SYNPR: variants seen among roughly 807,000 people sequenced by gnomAD.
SYNPR encodes the protein synaptoporin.
Under a neutral mutation model 32.9 loss-of-function variants are expected in SYNPR, and 23 were observed. That is an observed-to-expected ratio of 0.70 (90% CI 0.50 to 0.99). The LOEUF (loss-of-function observed/expected upper bound fraction) is 0.99. SYNPR is among the 50% of genes least tolerant of loss of function. The pLI, the probability that SYNPR is intolerant of heterozygous loss-of-function variation, is 0.00. For missense variants in SYNPR, 318 were observed against 349.3 expected, an observed-to-expected ratio of 0.91 and a Z score of 0.71; for synonymous variants, 146 against 135.9, an observed-to-expected ratio of 1.07 and a Z score of -0.52.
chr3:63,332,828 A>T (rs2087244529), intron 2 of SYNPR, among the ~76,000 whole-genome samples: 1 of 152,164 alleles, frequency 6.6e-6, no homozygotes, highest in South Asian at 2.1e-4. Flanking sequence ...ATATTATCCA[A>T]GAGCATGGTT....
intron 2 of SYNPR, among the ~76,000 whole-genome samples, chr3:63,462,055 C>A (rs1045052038): frequency 6.6e-6 from 1 of 152,116 alleles, no homozygotes; most frequent in Non-Finnish European, 1.5e-5. Flanking sequence ...TATGCTTCCT[C>A]TTGGCCACTG....
At chr3:63,280,725 GGTGTGTGT>G (rs144039056) in intron 2 of SYNPR, among the ~76,000 whole-genome samples, 1 of 149,896 alleles carries the variant, frequency 6.7e-6, no homozygotes, top group African/African-American at 2.5e-5. Flanking sequence ...TTGGGGGAGG[GGTGTGTGT>G]GTGTGTGTGT....
chr3:63,403,375 AATAT>A (rs772153228), intron 2 of SYNPR, among the ~76,000 whole-genome samples: 1 of 150,568 alleles, frequency 6.6e-6, no homozygotes, highest in African/African-American at 2.4e-5. Flanking sequence ...CTTTTATATA[AATAT>A]ATATATATGT....
rs987222622 is a variant in SYNPR at position 63,321,020 on chromosome 3, A to T, written c.84+42278A>T. On this transcript the variant is annotated intron_variant, in intron 2 of 5. Transcript: ENST00000478300. ...AATATGTATTCCAGAAAAATCAAGG[A>T]CAACAAGGAGCATTCATTTGAATAA... 2.6e-5 allele frequency among the ~76,000 whole-genome samples: 4 copies of T among 152,082 alleles called. No homozygotes were observed. In the South Asian group the frequency reaches 8.3e-4, roughly 31 times the overall value.
chr3:63,474,920 GTCCTCC>G (rs1164899887), intron 2 of SYNPR, among the ~76,000 whole-genome samples: 1 of 152,104 alleles, frequency 6.6e-6, no homozygotes, highest in Non-Finnish European at 1.5e-5. Context: ...CTGATTTTCT[GTCCTCC>G]TCCAACCTAT....
chr3:63,203,380 T>C, the SYNPR span: 1 of 152,230 alleles, frequency 6.6e-6, no homozygotes, highest in African/African-American at 2.4e-5. Context: ...AGGTCTCCAG[T>C]GGCGTCATCT....
At chr3:63,542,452 T>G (rs1702322911) in intron 3 of SYNPR, among the ~76,000 whole-genome samples, 2 of 152,074 alleles carry the variant, frequency 1.3e-5, no homozygotes, top group South Asian at 4.1e-4. Context: ...TGACTTCCCT[T>G]TAGGAATGAG....
intron 2 of SYNPR, among the ~76,000 whole-genome samples, chr3:63,333,605 TG>T (rs1331603250): frequency 6.6e-6 from 1 of 152,058 alleles, no homozygotes; most frequent in Non-Finnish European, 1.5e-5. Context: ...TTTGTAGAGA[TG>T]GGAGTCTTCC....
chr3:63,546,408 A>G (rs1702402389), intron 3 of SYNPR, among the ~76,000 whole-genome samples: 1 of 152,030 alleles, frequency 6.6e-6, no homozygotes, highest in African/African-American at 2.4e-5. Flanking sequence ...AGATCCTGGC[A>G]TATATATTCT....
chr3:63,342,661 AT>A (rs1215648014), intron 2 of SYNPR, among the ~76,000 whole-genome samples: 3 of 152,132 alleles, frequency 2.0e-5, no homozygotes, highest in African/African-American at 7.2e-5. Context: ...CTCCTCTGCT[AT>A]TTTCTGGAAG....
chr3:63,239,507 A>G (rs2086223606), intron 1 of SYNPR, among the ~76,000 whole-genome samples: 1 of 149,906 alleles, frequency 6.7e-6, no homozygotes, highest in African/African-American at 2.5e-5. Context: ...AGAATGGGTA[A>G]CAATGGTAGG....
At chr3:63,305,000 G>A (rs1022606688) in intron 2 of SYNPR, among the ~76,000 whole-genome samples, 1 of 151,914 alleles carries the variant, frequency 6.6e-6, no homozygotes, top group Non-Finnish European at 1.5e-5. Context: ...GCTATATAAT[G>A]TGTGCAGTTT....
chr3:63,583,900 G>A (rs1703136227), intron 4 of SYNPR, among the ~76,000 whole-genome samples: 1 of 152,076 alleles, frequency 6.6e-6, no homozygotes, highest in Admixed American at 6.6e-5. Flanking sequence ...TTTGTCTCCT[G>A]GATTAAGGTG....
the SYNPR span, among the ~76,000 whole-genome samples, chr3:63,203,023 T>C: frequency 2.0e-5 from 3 of 146,598 alleles, no homozygotes; most frequent in African/African-American, 7.6e-5. Flanking sequence ...TCTTTGTTTT[T>C]TTCAATTTTT....
chr3:63,535,035 C>G (rs1217643761), intron 3 of SYNPR, among the ~76,000 whole-genome samples: 2 of 152,104 alleles, frequency 1.3e-5, no homozygotes, highest in African/African-American at 2.4e-5. Flanking sequence ...AGAGTAGTTA[C>G]TGTCAGTATT....
At chr3:63,242,033 G>A (rs1451799577) in intron 1 of SYNPR, among the ~76,000 whole-genome samples, 1 of 151,946 alleles carries the variant, frequency 6.6e-6, no homozygotes, top group East Asian at 1.9e-4. Context: ...GTAATTATAA[G>A]CATACTTTTT....
At chr3:63,323,870 T>C (rs1423618547) in intron 2 of SYNPR, among the ~76,000 whole-genome samples, 1 of 152,090 alleles carries the variant, frequency 6.6e-6, no homozygotes, top group Non-Finnish European at 1.5e-5. Flanking sequence ...CTCACAACAT[T>C]CCCATGAGGC....
chr3:63,480,933 C>T lies in SYNPR; in HGVS notation c.186C>T (p.Asp62=), dbSNP rs1489739130. Residue 62 remains aspartate, a synonymous_variant, in exon 3 of 6, where the codon GAC becomes GAT. Coordinates refer to ENST00000478300, the MANE Select transcript of SYNPR (RefSeq NM_001130003.2). ...AGACAGAAAGTAACCTCAGCATCGA[C>T]ATAGCGTTTGCCTACCCATTCAGGT... The part of the protein sequence containing the change: ...VNKTESNLSI[D]IAFAYPFRLH... 6.2e-7 allele frequency: 1 copy of T among 1,612,860 alleles called. No homozygotes were observed. The highest frequency in any genetic ancestry group is 8.5e-7 in the Non-Finnish European group (1 of 1,179,250).
chr3:63,287,515 T>C (rs2086696762), intron 2 of SYNPR, among the ~76,000 whole-genome samples: 1 of 152,286 alleles, frequency 6.6e-6, no homozygotes, highest in East Asian at 1.9e-4. Context: ...GCAGGGATCT[T>C]GTTGGTCCTG....
Sources: allele counts gnomAD v4.1 joint callset (sites outside exome capture counted in the v4.1 genomes callset), GRCh38; gene constraint gnomAD v4.1.1; transcripts MANE v1.5; gene names NCBI Gene and HGNC (gene_info 2026-07-23, HGNC 2026-07-21).